The following CTNNA3 variants were observed in gnomAD, a reference collection of about 807,000 sequenced individuals.
The protein encoded by CTNNA3 is catenin alpha 3.
Under a neutral mutation model 95.7 loss-of-function variants are expected in CTNNA3, and 76 were observed. That is an observed-to-expected ratio of 0.79 (90% CI 0.66 to 0.96). CTNNA3 has a LOEUF of 0.96. Ranked by LOEUF, CTNNA3 falls within the 40% of genes least tolerant of loss-of-function variation. CTNNA3 has a pLI of 0.00. For missense variants in CTNNA3, 1,191 were observed against 1,089.8 expected (o/e 1.09, Z -1.31); for synonymous variants, 431 against 374.4 (o/e 1.15, Z -1.74).
chr10:65,963,358 A>C (rs1026144846), intron 17 of CTNNA3, among the ~76,000 whole-genome samples: 2 of 151,964 alleles, frequency 1.3e-5, no homozygotes, highest in Non-Finnish European at 2.9e-5. Context: ...TGTCTTCCCT[A>C]TCTCTGTTTT....
At chr10:66,872,411 G>A (rs1370521866) in intron 7 of CTNNA3, among the ~76,000 whole-genome samples, 5 of 152,128 alleles carry the variant, frequency 3.3e-5, no homozygotes, top group Non-Finnish European at 7.3e-5. Context: ...GCTCACACCT[G>A]TAATACTAGT....
intron 7 of CTNNA3, among the ~76,000 whole-genome samples, chr10:67,043,431 A>T (rs182860755): frequency 3.9e-5 from 6 of 152,260 alleles, no homozygotes; most frequent in Admixed American, 3.9e-4. Context: ...GAAAGAAATG[A>T]TCTAAAAAAA....
intron 11 of CTNNA3, among the ~76,000 whole-genome samples, chr10:66,475,623 C>G (rs938829544): frequency 6.6e-6 from 1 of 152,034 alleles, no homozygotes. Context: ...AGCTCAATAT[C>G]ACTGATCATT....
intron 12 of CTNNA3, among the ~76,000 whole-genome samples, chr10:66,348,721 G>GA: frequency 6.6e-6 from 1 of 152,172 alleles, no homozygotes; most frequent in African/African-American, 2.4e-5. Flanking sequence ...TAGTCTGTAG[G>GA]TTTTACTCTA....
intron 9 of CTNNA3, among the ~76,000 whole-genome samples, chr10:66,690,411 G>C (rs1266525970): frequency 6.6e-6 from 1 of 151,546 alleles, no homozygotes; most frequent in Non-Finnish European, 1.5e-5. Context: ...TGCCATGCTG[G>C]TGTGCTGCAC....
chr10:67,509,697 A>C (rs1201619092), intron 5 of CTNNA3, among the ~76,000 whole-genome samples: 1 of 152,116 alleles, frequency 6.6e-6, no homozygotes, highest in Non-Finnish European at 1.5e-5. Context: ...AATCCATTGG[A>C]TATATACCCA....
At chr10:66,972,532 C>T (rs1429547822) in intron 7 of CTNNA3, among the ~76,000 whole-genome samples, 6 of 151,844 alleles carry the variant, frequency 4.0e-5, no homozygotes, top group East Asian at 1.9e-4. Flanking sequence ...CATTTGCTCT[C>T]GGAGAATAGT....
At chr10:67,131,948 A>G (rs776992985) in intron 7 of CTNNA3, among the ~76,000 whole-genome samples, 16 of 152,106 alleles carry the variant, frequency 1.1e-4, no homozygotes, top group Non-Finnish European at 2.4e-4. Flanking sequence ...TCATACTCAT[A>G]TTTCCATTAC....
At chr10:66,946,390 T>A (rs186948260) in intron 7 of CTNNA3, among the ~76,000 whole-genome samples, 11 of 152,034 alleles carry the variant, frequency 7.2e-5, no homozygotes, top group Admixed American at 6.5e-5. Flanking sequence ...AAACAAAAAC[T>A]TTTTTTGTTG....
In CTNNA3 at chr10:67,177,589, T is replaced by C. The variant is rs553982460; in HGVS notation, c.1047+2728A>G. On this transcript the variant is annotated intron_variant, in intron 7 of 17. Transcript: ENST00000433211. The stretch of plus-strand genomic sequence containing the variant: ...AAAGGAGACACAGTATTCCTTAAAA[T>C]AGAAAGATGAGGACTTAAGTATTAG... 7.2e-5 allele frequency among the ~76,000 whole-genome samples: 11 copies of C among 152,288 alleles called. No homozygotes were observed. In the East Asian group the frequency reaches 1.7e-3, roughly 24 times the overall value.
At chr10:67,204,161 C>A (rs750396640) in intron 6 of CTNNA3, among the ~76,000 whole-genome samples, 2 of 152,132 alleles carry the variant, frequency 1.3e-5, no homozygotes, top group Non-Finnish European at 2.9e-5. Flanking sequence ...TATGAAATGT[C>A]TTGATTCCTG....
chr10:66,885,603 A>G (rs565502625), intron 7 of CTNNA3, among the ~76,000 whole-genome samples: 7 of 152,152 alleles, frequency 4.6e-5, no homozygotes, highest in Non-Finnish European at 1.0e-4. Flanking sequence ...TATTCTTACC[A>G]GTAAATCACC....
intron 13 of CTNNA3, among the ~76,000 whole-genome samples, chr10:66,235,911 G>A (rs1037380831): frequency 2.6e-5 from 4 of 152,086 alleles, no homozygotes; most frequent in African/African-American, 9.7e-5. Flanking sequence ...ATTTTTTAAG[G>A]ATGATTTGAC....
intron 9 of CTNNA3, among the ~76,000 whole-genome samples, chr10:66,701,971 G>A (rs1394090954): frequency 6.6e-6 from 1 of 152,072 alleles, no homozygotes; most frequent in Non-Finnish European, 1.5e-5. Flanking sequence ...TAAATCATCA[G>A]AAGGCAAGTG....
rs74867802 is a variant in CTNNA3, at chr10:67,252,529, T to C, written c.580-32659A>G. Among the ~76,000 whole-genome samples the C allele has an allele frequency of 0.016, 2,370 of 152,324 alleles. 196 individuals are homozygous for C. The East Asian group carries it at 0.26, about 17-fold the overall frequency. ...TAACAATGCACTGTAATAAAACTTATGTGAATGTGTTCTCTAACTCTTTCT... is the reference window on the plus strand; with the variant it reads ...TAACAATGCACTGTAATAAAACTTACGTGAATGTGTTCTCTAACTCTTTCT... On this transcript the variant is annotated intron_variant, in intron 5 of 17. Coordinates refer to ENST00000433211, the MANE Select transcript of CTNNA3 (RefSeq NM_013266.4).
intron 9 of CTNNA3, among the ~76,000 whole-genome samples, chr10:66,748,241 T>C (rs1838967776): frequency 6.6e-6 from 1 of 152,208 alleles, no homozygotes; most frequent in African/African-American, 2.4e-5. Flanking sequence ...TGAGATCCAT[T>C]TGTGTGTCTC....
At chr10:67,226,033 C>A (rs144822433) in intron 5 of CTNNA3, among the ~76,000 whole-genome samples, 1 of 152,034 alleles carries the variant, frequency 6.6e-6, no homozygotes, top group African/African-American at 2.4e-5. Flanking sequence ...GAAAAAACAA[C>A]CACAAATTCA....
chr10:66,678,487 G>C (rs1846945523), intron 9 of CTNNA3, among the ~76,000 whole-genome samples: 1 of 152,038 alleles, frequency 6.6e-6, no homozygotes, highest in African/African-American at 2.4e-5. Context: ...TATGGCCCCT[G>C]CCCTTAAGTT....
At chr10:67,644,643 C>T (rs1344685190) in intron 2 of CTNNA3, among the ~76,000 whole-genome samples, 1 of 151,770 alleles carries the variant, frequency 6.6e-6, no homozygotes, top group African/African-American at 2.4e-5. Flanking sequence ...TTGAAATGTA[C>T]TGGTTTTTGA....
Sources: allele counts gnomAD v4.1 joint callset (sites outside exome capture counted in the v4.1 genomes callset), GRCh38; gene constraint gnomAD v4.1.1; transcripts MANE v1.5; gene names NCBI Gene and HGNC (gene_info 2026-07-23, HGNC 2026-07-21).